The following MAST4 variants were observed in gnomAD, a reference collection of about 807,000 sequenced individuals.
MAST4 encodes the protein microtubule associated serine/threonine kinase family member 4.
In MAST4, 89 loss-of-function variants were observed where a neutral mutation model predicts 162.7. The ratio of observed to expected loss-of-function variants is 0.55; its 90% CI spans 0.46 to 0.65. The LOEUF (loss-of-function observed/expected upper bound fraction) is 0.65. MAST4 is among the 30% of genes least tolerant of loss of function. The probability of loss-of-function intolerance (pLI) is 0.00; values close to 1 mark genes in which losing one functional copy is unlikely to be tolerated. For missense variants in MAST4, 3,153 were observed against 3,374.0 expected, an observed-to-expected ratio of 0.93 and a Z score of 1.62; for synonymous variants, 1,479 against 1,361.1, an observed-to-expected ratio of 1.09 and a Z score of -1.91.
intron 4 of MAST4, among the ~76,000 whole-genome samples, chr5:67,032,547 G>A (rs1195804350): frequency 6.6e-6 from 1 of 152,082 alleles, no homozygotes; most frequent in Admixed American, 6.6e-5. Context: ...AATAAGACCG[G>A]TTTTAAACGC....
At chr5:66,688,443 A>G (rs1748832771) in intron 1 of MAST4, among the ~76,000 whole-genome samples, 1 of 152,204 alleles carries the variant, frequency 6.6e-6, no homozygotes, top group African/African-American at 2.4e-5. Flanking sequence ...ACTGAGCCTT[A>G]TTAGGCAGGC....
At chr5:66,760,172 G>T (rs1349289932) in intron 2 of MAST4, among the ~76,000 whole-genome samples, 5 of 151,586 alleles carry the variant, frequency 3.3e-5, no homozygotes, top group Non-Finnish European at 7.4e-5. Flanking sequence ...GTGCAGTGGT[G>T]TGGCATGATC....
chr5:67,047,000 T>C (rs1757456145), intron 4 of MAST4, among the ~76,000 whole-genome samples: 1 of 152,250 alleles, frequency 6.6e-6, no homozygotes, highest in Non-Finnish European at 1.5e-5. Flanking sequence ...GCACTCAGGC[T>C]GATAGTATCA....
intron 1 of MAST4, among the ~76,000 whole-genome samples, chr5:66,642,964 T>A (rs143490239): frequency 1.4e-3 from 210 of 152,298 alleles, no homozygotes; most frequent in Non-Finnish European, 1.9e-3. Context: ...GCCATGAGTG[T>A]AAATTGAACC....
Position 66,668,135 on chromosome 5 carries a change from A to G in MAST4, c.363+71117A>G, listed in dbSNP as rs184731903. Among the ~76,000 whole-genome samples the G allele has an allele frequency of 3.3e-5, 5 of 152,340 alleles. No individual in the cohort carries two copies. In the East Asian group the frequency reaches 9.7e-4, roughly 29 times the overall value. On this transcript the variant is annotated intron_variant, in intron 1 of 28. Transcript: ENST00000403625. ...TGGAACAGTTTTATTTTATGATAAC[A>G]ACTGGAAATGTAAAGAAATAATTAG...
intron 4 of MAST4, among the ~76,000 whole-genome samples, chr5:66,990,127 GTTTTC>G (rs1186819707): frequency 1.3e-5 from 2 of 152,056 alleles, no homozygotes; most frequent in African/African-American, 2.4e-5. Flanking sequence ...ATTCATGCTT[GTTTTC>G]TTTTAAAGAC....
chr5:66,780,687 CTGCTGATTGGTCCATTTTACAGAG>C (rs1385814322), intron 2 of MAST4, among the ~76,000 whole-genome samples: 4 of 152,186 alleles, frequency 2.6e-5, no homozygotes, highest in African/African-American at 9.7e-5. Flanking sequence ...TGCCGATGTC[CTGCTGATTGGTCCATTTTACAGAG>C]TGCTGATTTG....
intron 14 of MAST4, among the ~76,000 whole-genome samples, chr5:67,123,179 C>T (rs908975771): frequency 2.6e-5 from 4 of 152,134 alleles, no homozygotes; most frequent in Non-Finnish European, 5.9e-5. Flanking sequence ...CAGGGTCTAC[C>T]ACTCACATCA....
At chr5:67,056,451 G>A (rs916594629) in intron 5 of MAST4, among the ~76,000 whole-genome samples, 3 of 152,054 alleles carry the variant, frequency 2.0e-5, no homozygotes, top group East Asian at 1.9e-4. Flanking sequence ...TTTTAATCTC[G>A]CTCCTCTTTA....
At chr5:66,883,223 A>G (rs1384495815) in intron 3 of MAST4, among the ~76,000 whole-genome samples, 2 of 152,110 alleles carry the variant, frequency 1.3e-5, no homozygotes, top group Admixed American at 6.5e-5. Flanking sequence ...CTGAAAACCT[A>G]CTTTTCACTT....
intron 1 of MAST4, among the ~76,000 whole-genome samples, chr5:66,610,451 AG>A: frequency 6.6e-6 from 1 of 152,176 alleles, no homozygotes; most frequent in Admixed American, 6.5e-5. Context: ...GAAGAAGAAA[AG>A]GTGAATTTTG....
At chr5:66,890,582 G>C (rs1762304918) in intron 3 of MAST4, among the ~76,000 whole-genome samples, 1 of 152,144 alleles carries the variant, frequency 6.6e-6, no homozygotes, top group Non-Finnish European at 1.5e-5. Flanking sequence ...CATAAAATCA[G>C]AGTCTCTAAA....
chr5:66,672,043 CTAAG>C (rs1258024734), intron 1 of MAST4, among the ~76,000 whole-genome samples: 1 of 152,164 alleles, frequency 6.6e-6, no homozygotes, highest in Non-Finnish European at 1.5e-5. Context: ...TCAAATCCTT[CTAAG>C]TGTCTTAATT....
intron 4 of MAST4, among the ~76,000 whole-genome samples, chr5:66,970,063 A>G (rs1023231755): frequency 2.0e-5 from 3 of 152,146 alleles, no homozygotes; most frequent in African/African-American, 7.2e-5. Flanking sequence ...AGCCAAGCAG[A>G]GATGAGCCTG....
intron 5 of MAST4, among the ~76,000 whole-genome samples, chr5:67,065,225 C>T (rs1425505306): frequency 6.6e-6 from 1 of 152,044 alleles, no homozygotes; most frequent in Non-Finnish European, 1.5e-5. Context: ...GTAAAAGGTA[C>T]ATTTAAAATT....
chr5:66,835,496 C>T (rs1401469617), intron 3 of MAST4, among the ~76,000 whole-genome samples: 7 of 151,962 alleles, frequency 4.6e-5, no homozygotes, highest in East Asian at 1.9e-4. Flanking sequence ...AGATTTCTCA[C>T]GATGACCCAA....
chr5:67,134,809 CA>C (rs1769413627), intron 18 of MAST4, 121 bp downstream of exon 18: 7 of 771,988 alleles, frequency 9.1e-6, no homozygotes, highest in Non-Finnish European at 1.2e-5. Flanking sequence ...GTTGAGCCAA[CA>C]AAAGAACTCA....
chr5:67,162,336 T>C (rs1341904178), intron 27 of MAST4, among the ~76,000 whole-genome samples: 1 of 152,258 alleles, frequency 6.6e-6, no homozygotes, highest in African/African-American at 2.4e-5. Flanking sequence ...TAAATGAATG[T>C]ATTTTTAATG....
At chr5:66,692,636 G>C (rs1749123261) in intron 1 of MAST4, among the ~76,000 whole-genome samples, 1 of 152,012 alleles carries the variant, frequency 6.6e-6, no homozygotes, top group South Asian at 2.1e-4. Flanking sequence ...ATTTTGCTAG[G>C]GGTCCTAATA....
Sources: gnomAD v4.1 joint callset for allele counts (sites outside exome capture counted in the v4.1 genomes callset) on GRCh38, gnomAD v4.1.1 for gene constraint, MANE v1.5 for transcripts, NCBI Gene and HGNC (gene_info 2026-07-23, HGNC 2026-07-21) for gene names.